Variants in TRAF3IP3 observed in about 807,000 individuals in gnomAD.
TRAF3IP3 encodes TRAF3 interacting protein 3.
TRAF3IP3 carries 64 observed loss-of-function variants against 86.5 expected under a neutral mutation model. The observed-to-expected ratio is 0.74, with a 90% CI of 0.60 to 0.91. The LOEUF is 0.91. TRAF3IP3 is among the 40% of genes least tolerant of loss of function. The probability of loss-of-function intolerance (pLI) is 0.00; values close to 1 mark genes in which losing one functional copy is unlikely to be tolerated. For synonymous variants in TRAF3IP3, 220 were observed against 243.9 expected (o/e 0.90, Z 0.91); for missense variants, 579 against 642.9 (o/e 0.90, Z 1.07).
intron 8 of TRAF3IP3, chr1:209,768,257 CT>C (rs1157451749): frequency 2.0e-6 from 2 of 985,302 alleles, no homozygotes; most frequent in African/African-American, 3.5e-5. Context: ...CACAAACTCC[CT>C]ATTAGAATCC....
rs372222220 is a variant in TRAF3IP3 at position 209,782,198 on chromosome 1, C to T, written c.*50C>T. 193 of 1,479,890 alleles carry T rather than the reference C, an allele frequency of 1.3e-4. No individual in the cohort carries two copies. The highest frequency in any genetic ancestry group is 7.9e-4 in the Admixed American group (47 of 59,776). 91.7% of individuals were successfully genotyped at this position (1,479,890 alleles called of 1,614,324 possible). A position where few individuals can be genotyped will look rare whatever the true frequency, so the allele number is the denominator to read the frequency against. On this transcript the variant is annotated 3_prime_UTR_variant, in exon 17 of 17. Coordinates refer to ENST00000367025, the MANE Select transcript of TRAF3IP3 (RefSeq NM_025228.4). The stretch of plus-strand genomic sequence containing the variant: ...TGAAAATCAGAAGCAAGCAACTCAG[C>T]GAAAAACTCAGAAGGTTTGGGTACA...
intron 8 of TRAF3IP3, among the ~76,000 whole-genome samples, chr1:209,770,263 AAAG>A (rs1380480589): frequency 2.6e-5 from 4 of 152,178 alleles, no homozygotes; most frequent in Non-Finnish European, 5.9e-5. Context: ...TTGCTTTCTT[AAAG>A]AAGTTCTCAT....
intron 9 of TRAF3IP3, among the ~76,000 whole-genome samples, chr1:209,775,117 G>T (rs1307309715): frequency 3.3e-5 from 5 of 152,140 alleles, no homozygotes; most frequent in Non-Finnish European, 5.9e-5. Context: ...CTTGCAGAAG[G>T]CCTCAGATAT....
intron 8 of TRAF3IP3, among the ~76,000 whole-genome samples, chr1:209,770,812 T>TGC (rs2077472539): frequency 8.0e-6 from 1 of 125,374 alleles, no homozygotes; most frequent in Non-Finnish European, 1.7e-5. Flanking sequence ...GGTGTGTGTG[T>TGC]GCAGGTGGAG....
At chr1:209,771,661 GAAGGTGTGTGTT>G (rs1295192199) in intron 8 of TRAF3IP3, among the ~76,000 whole-genome samples, 13 of 146,096 alleles carry the variant, frequency 8.9e-5, no homozygotes, top group African/African-American at 3.1e-4. Context: ...GTGTGCATGT[GAAGGTGTGTGTT>G]CAGGTGGAGG....
At chr1:209,778,971 T>G in intron 13 of TRAF3IP3, 1 of 299,950 alleles carries the variant, frequency 3.3e-6, no homozygotes, top group Non-Finnish European at 6.3e-6. Context: ...TCCTTGGCTT[T>G]GTAGATGGCC....
At position 209,781,631 on chromosome 1, in the gene TRAF3IP3, G is replaced by A. The variant is rs77204351; in HGVS notation, c.1563+173G>A. 2,379 of 522,348 alleles carry A rather than the reference G, an allele frequency of 4.6e-3. 43 individuals carry two copies. Among genetic ancestry groups the A allele is most frequent in the African/African-American group, 0.04 (2,107 of 52,026 alleles). The allele number at this position is 522,348 out of a possible 1,614,324, so 32.4% of individuals were successfully genotyped here. A position where few individuals can be genotyped will look rare whatever the true frequency, so the allele number is the denominator to read the frequency against. On this transcript the variant is annotated intron_variant, in intron 16 of 16. Coordinates refer to ENST00000367025, the MANE Select transcript of TRAF3IP3 (RefSeq NM_025228.4). ...CAACCATTGAAAAAAACACTGGCTCGTCCATCAAAGCCCAACTTTCACAGA... is the reference window on the plus strand; with the variant it reads ...CAACCATTGAAAAAAACACTGGCTCATCCATCAAAGCCCAACTTTCACAGA...
Position 209,775,480 on chromosome 1 carries a change from G to A in TRAF3IP3, c.906G>A (p.Gln302=), listed in dbSNP as rs1558026928. Residue 302 remains glutamine, a synonymous_variant, in exon 10 of 17, where the codon CAG becomes CAA. Transcript: ENST00000367025. ...EEKMNAEQQL[Q]STQRSLALAE... is the part of the protein sequence containing the mutation. ...AAATGAATGCAGAGCAGCAACTACA[G>A]AGCACACAGGTATGGGGATGCCACA... 3.7e-6 allele frequency: 6 copies of A among 1,614,236 alleles called. No homozygotes were observed. Among genetic ancestry groups the A allele is most frequent in the Admixed American group, 1.7e-5 (1 of 60,026 alleles).
intron 8 of TRAF3IP3, among the ~76,000 whole-genome samples, chr1:209,768,823 G>A (rs915888955): frequency 3.3e-5 from 5 of 152,200 alleles, no homozygotes; most frequent in Non-Finnish European, 7.3e-5. Context: ...GGACCCTGGG[G>A]CTCAGACCAG....
chr1:209,763,355 C>T lies in TRAF3IP3; in HGVS notation c.577-8C>T. On this transcript the variant is annotated splice_region_variant and splice_polypyrimidine_tract_variant and intron_variant, in intron 6 of 16. Transcript: ENST00000367025. ...GACATTTTGAATACCCTTGTTCTTT[C>T]TCTCCAGGAAATCATCCAGCTTTCT... The T allele has an allele frequency of 6.2e-6, 10 of 1,613,112 alleles. No individual in the cohort carries two copies. Among genetic ancestry groups the T allele is most frequent in the Non-Finnish European group, 8.5e-6 (10 of 1,179,878 alleles).
Position 209,775,447 on chromosome 1 carries a change from G to A in TRAF3IP3, c.873G>A (p.Leu291=). The change falls in exon 10 of 17, where the codon CTG becomes CTA. Residue 291 remains leucine, a synonymous_variant. Transcript: ENST00000367025. ...CCAAGGAGTCACTGCAGAAAGTGCT[G>A]GAGGAGAAAATGAATGCAGAGCAGC... ...QKAKESLQKV[L]EEKMNAEQQL... 3 of 1,614,202 alleles carry A rather than the reference G, an allele frequency of 1.9e-6. No individual in the cohort carries two copies. Among genetic ancestry groups the A allele is most frequent in the Non-Finnish European group, 2.5e-6 (3 of 1,180,040 alleles).
chr1:209,756,937 G>A (rs909073921), intron 1 of TRAF3IP3, among the ~76,000 whole-genome samples: 1 of 152,188 alleles, frequency 6.6e-6, no homozygotes, highest in Non-Finnish European at 1.5e-5. Context: ...GGGGGAACCT[G>A]AGAGATGCCA....
rs1392136438 is a variant in TRAF3IP3 at position 209,777,427 on chromosome 1, A to G, written c.1129A>G (p.Lys377Glu). 4 of 1,613,960 alleles carry G rather than the reference A, an allele frequency of 2.5e-6. No individual in the cohort carries two copies. In the African/African-American group the frequency reaches 5.3e-5, roughly 22 times the overall value. Residue 377 changes from lysine to glutamate, a missense_variant, in exon 12 of 17, where the codon AAG becomes GAG. Transcript: ENST00000367025. ...AAATGAGCACCAGCAACTGCAGGCC[A>G]AGATTGAATGCCTGCAAGGGGACAG... Reference protein sequence around the residue: ...LENEHQQLQAKIECLQGDRDL... With the variant: ...LENEHQQLQAEIECLQGDRDL...
intron 5 of TRAF3IP3, 60 bp from the exon 6 acceptor site, chr1:209,763,008 C>T: frequency 6.3e-7 from 1 of 1,595,880 alleles, no homozygotes. Flanking sequence ...AATCAACCCA[C>T]TGCCTCCTGA....
chr1:209,766,743 A>G (rs1571926352), intron 8 of TRAF3IP3, among the ~76,000 whole-genome samples: 1 of 152,224 alleles, frequency 6.6e-6, no homozygotes, highest in Non-Finnish European at 1.5e-5. Context: ...GCATGCCTGA[A>G]GTCCGAGCTA....
Position 209,775,664 on chromosome 1 carries a change from G to C in TRAF3IP3, c.981G>C (p.Glu327Asp). ...EWRSQYEALK[E>D]DWRTLGTQHR... is the part of the protein sequence containing the mutation. ...GGAGCCAGTATGAGGCTCTGAAGGAGGACTGGAGGACCCTTGGGACCCAGC... is the reference window on the plus strand; with the variant it reads ...GGAGCCAGTATGAGGCTCTGAAGGACGACTGGAGGACCCTTGGGACCCAGC... Residue 327 changes from glutamate to aspartate, a missense_variant, in exon 11 of 17, where the codon GAG (glutamate) becomes GAC (aspartate). Coordinates refer to ENST00000367025, the MANE Select transcript of TRAF3IP3 (RefSeq NM_025228.4). 6.2e-7 allele frequency: 1 copy of C among 1,614,168 alleles called. No homozygotes were observed. The highest frequency in any genetic ancestry group is 8.5e-7 in the Non-Finnish European group (1 of 1,180,038).
chr1:209,772,989 CT>C lies in TRAF3IP3; in HGVS notation c.746del (p.Leu249Ter), dbSNP rs775272960. The C allele has an allele frequency of 3.7e-6, 6 of 1,613,910 alleles. No homozygotes were observed. The highest frequency in any genetic ancestry group is 5.1e-6 in the Non-Finnish European group (6 of 1,179,926). Reference protein sequence around the residue: ...EDKLKGKLRSLENQLYTCTQK... With the variant: ...EDKLKGKLRSXENQLYTCTQK... ...ACAAACTGAAGGGGAAACTGAGATCCTTAGAAAACCAGCTATACACCTGTAC... is the reference window on the plus strand; with the variant it reads ...ACAAACTGAAGGGGAAACTGAGATCCTAGAAAACCAGCTATACACCTGTAC... On this transcript the variant is annotated frameshift_variant, in exon 9 of 17. Coordinates refer to ENST00000367025, the MANE Select transcript of TRAF3IP3 (RefSeq NM_025228.4). LOFTEE classifies it high-confidence loss of function.
intron 8 of TRAF3IP3, among the ~76,000 whole-genome samples, chr1:209,764,303 T>C (rs2077299519): frequency 6.6e-6 from 1 of 151,682 alleles, no homozygotes; most frequent in African/African-American, 2.4e-5. Flanking sequence ...ACATGAAAAA[T>C]AAAAGAAATG....
Position 209,779,620 on chromosome 1 carries a change from G to A in TRAF3IP3, c.1312+246G>A, listed in dbSNP as rs1006043098. 4.8e-6 allele frequency: 3 copies of A among 621,812 alleles called. No individual in the cohort carries two copies. The African/African-American group carries it at 5.6e-5, about 12-fold the overall frequency. 38.5% of individuals were successfully genotyped at this position (621,812 alleles called of 1,614,324 possible). A position where few individuals can be genotyped will look rare whatever the true frequency, so the allele number is the denominator to read the frequency against. The stretch of plus-strand genomic sequence containing the variant: ...CTATTCTCTCTGAAAGCACATGTCT[G>A]TGTTGAACATTTCAATAAATTTATT... On this transcript the variant is annotated intron_variant, in intron 14 of 16. Transcript: ENST00000367025.
Sources: allele counts gnomAD v4.1 joint callset (sites outside exome capture counted in the v4.1 genomes callset), GRCh38; gene constraint gnomAD v4.1.1; transcripts MANE v1.5; gene names NCBI Gene and HGNC (gene_info 2026-07-23, HGNC 2026-07-21).